Variants in EFCAB8 observed in about 807,000 individuals in gnomAD.
EFCAB8 encodes EF-hand calcium binding domain 8.
Under a neutral mutation model 116.3 loss-of-function variants are expected in EFCAB8, and 100 were observed. The ratio of observed to expected loss-of-function variants is 0.86; its 90% CI spans 0.73 to 1.02. The LOEUF (loss-of-function observed/expected upper bound fraction) is 1.02, where lower values mean the gene tolerates loss of function less well. EFCAB8 is among the 50% of genes least tolerant of loss of function. The pLI, the probability that EFCAB8 is intolerant of heterozygous loss-of-function variation, is 0.00. For synonymous variants in EFCAB8, 558 were observed against 567.9 expected, an observed-to-expected ratio of 0.98 and a Z score of 0.25; for missense variants, 1,320 against 1,416.9, an observed-to-expected ratio of 0.93 and a Z score of 1.10.
In EFCAB8 at chr20:32,876,067, C is replaced by T. The variant is rs747576170; in HGVS notation, c.327+23C>T. ...TGGGTGAGGAGGGTGCCCCTGCTTC[C>T]TCAGGTGCTGGAGGGAGGCTGGAGG... On this transcript the variant is annotated intron_variant, in intron 4 of 26. Coordinates refer to ENST00000400522, the MANE Select transcript of EFCAB8 (RefSeq NM_001143967.2). The T allele has an allele frequency of 5.8e-6, 9 of 1,544,672 alleles. No homozygotes were observed. The African/African-American group carries it at 9.6e-5, about 16-fold the overall frequency.
intron 22 of EFCAB8, among the ~76,000 whole-genome samples, chr20:32,939,697 T>G (rs1488365520): frequency 7.2e-6 from 1 of 138,598 alleles, no homozygotes; most frequent in African/African-American, 2.7e-5. Context: ...CTCTCTCTCT[T>G]TTTTTTTTCT....
rs181545096 is a variant in EFCAB8, at chr20:32,890,801, G to A, written c.673+1395G>A. Among the ~76,000 whole-genome samples, 14 of 152,372 alleles carry A rather than the reference G, an allele frequency of 9.2e-5. No individual in the cohort carries two copies. The East Asian group carries it at 2.3e-3, about 25-fold the overall frequency. On this transcript the variant is annotated intron_variant, in intron 7 of 26. Coordinates refer to ENST00000400522, the MANE Select transcript of EFCAB8 (RefSeq NM_001143967.2). ...CAATTGCTTTACCTCCCAGTGCCTCGCTTTACCCAGAGGTAAAATGGGGCC... is the reference window on the plus strand; with the variant it reads ...CAATTGCTTTACCTCCCAGTGCCTCACTTTACCCAGAGGTAAAATGGGGCC...
At chr20:32,945,825 A>G (rs1045871552) in intron 23 of EFCAB8, among the ~76,000 whole-genome samples, 2 of 152,186 alleles carry the variant, frequency 1.3e-5, no homozygotes, top group Non-Finnish European at 2.9e-5. Context: ...AGACTTACGC[A>G]TGTAAATTCG....
At chr20:32,873,267 C>T (rs1984777870) in intron 3 of EFCAB8, among the ~76,000 whole-genome samples, 1 of 151,954 alleles carries the variant, frequency 6.6e-6, no homozygotes, top group African/African-American at 2.4e-5. Context: ...GAAGGAGCCC[C>T]CTGAACTCTG....
intron 20 of EFCAB8, among the ~76,000 whole-genome samples, chr20:32,924,776 T>C (rs544231856): frequency 2.8e-4 from 42 of 152,300 alleles, no homozygotes; most frequent in African/African-American, 8.9e-4. Flanking sequence ...TGCAAAAGAT[T>C]GAATGTCTAT....
Position 32,908,397 on chromosome 20 carries a change from C to G in EFCAB8, c.1431C>G (p.Ile477Met). 1.6e-6 allele frequency: 2 copies of G among 1,249,990 alleles called. No individual in the cohort carries two copies. Among genetic ancestry groups the G allele is most frequent in the Non-Finnish European group, 2.0e-6 (2 of 988,262 alleles). 77.4% of individuals were successfully genotyped at this position (1,249,990 alleles called of 1,614,324 possible). ...AYFFEKDNTLICSTYSIGILK... is the reference protein window; with the variant it reads ...AYFFEKDNTLMCSTYSIGILK... ...TCTTCGAGAAGGACAATACCCTCATCTGCAGCACCTACTCAGTGAGTGCTG... is the reference window on the plus strand; with the variant it reads ...TCTTCGAGAAGGACAATACCCTCATGTGCAGCACCTACTCAGTGAGTGCTG... Residue 477 changes from isoleucine (I) to methionine (M), a missense_variant, in exon 14 of 27, where the codon ATC becomes ATG. Physicochemically the swap from Ile to Met is conservative, Grantham distance 10. Coordinates refer to ENST00000400522, the MANE Select transcript of EFCAB8 (RefSeq NM_001143967.2).
intron 9 of EFCAB8, among the ~76,000 whole-genome samples, chr20:32,895,709 T>C (rs192904428): frequency 8.3e-4 from 126 of 152,076 alleles, no homozygotes; most frequent in African/African-American, 3.0e-3. Flanking sequence ...GTAGCTGTGA[T>C]TACAGGCACA....
At chr20:32,862,222 C>T in intron 1 of EFCAB8, among the ~76,000 whole-genome samples, 1 of 151,842 alleles carries the variant, frequency 6.6e-6, no homozygotes, top group East Asian at 1.9e-4. Flanking sequence ...CCTCAACCTC[C>T]TGGGCTCAAG....
intron 5 of EFCAB8, 86 bp downstream of exon 5, chr20:32,878,893 G>A (rs893461388): frequency 4.7e-5 from 56 of 1,201,008 alleles, no homozygotes; most frequent in Admixed American, 1.0e-4. Context: ...CCCTCAATCC[G>A]TGACCTTGCT....
chr20:32,907,252 C>A, intron 13 of EFCAB8: 1 of 379,276 alleles, frequency 2.6e-6, no homozygotes, highest in Non-Finnish European at 3.6e-6. Flanking sequence ...TCCTCAGTCT[C>A]CCTATCCATA....
chr20:32,906,463 G>A, intron 11 of EFCAB8, 99 bp from the exon 12 acceptor site: 1 of 697,940 alleles, frequency 1.4e-6, no homozygotes, highest in East Asian at 2.7e-5. Flanking sequence ...CCTCCTGGGA[G>A]GCTCTGCCTC....
intron 23 of EFCAB8, among the ~76,000 whole-genome samples, chr20:32,951,474 A>G (rs780751782): frequency 6.6e-5 from 10 of 152,190 alleles, no homozygotes; most frequent in Non-Finnish European, 1.5e-4. Flanking sequence ...TTACACCTGC[A>G]TCTATTTATA....
chr20:32,888,883 C>G (rs982851154), intron 6 of EFCAB8, among the ~76,000 whole-genome samples: 1 of 151,704 alleles, frequency 6.6e-6, no homozygotes, highest in African/African-American at 2.4e-5. Flanking sequence ...GGTGCAAACA[C>G]ACCCATAGAA....
chr20:32,889,281 T>C lies in EFCAB8; in HGVS notation c.568-20T>C. ...TGAGTATGCGTCCCAGCCCATCTCC[T>C]CTGCTCTTCCTCTGGCCAGCTTAAC... On this transcript the variant is annotated intron_variant, in intron 6 of 26. Transcript: ENST00000400522. 1 of 1,550,848 alleles carries C rather than the reference T, an allele frequency of 6.4e-7. No homozygotes were observed. Among genetic ancestry groups the C allele is most frequent in the Non-Finnish European group, 8.7e-7 (1 of 1,146,446 alleles).
intron 11 of EFCAB8, among the ~76,000 whole-genome samples, chr20:32,902,340 A>G: frequency 6.6e-6 from 1 of 151,992 alleles, no homozygotes. Context: ...GGGACTGGAG[A>G]TGTATTTTTG....
At chr20:32,882,188 A>G (rs1264263413) in intron 5 of EFCAB8, among the ~76,000 whole-genome samples, 1 of 152,090 alleles carries the variant, frequency 6.6e-6, no homozygotes, top group African/African-American at 2.4e-5. Flanking sequence ...ACAAGAATGA[A>G]AACTCCGTCT....
At chr20:32,875,894 A>G (rs1177952116) in intron 3 of EFCAB8, 32 bp from the exon 4 acceptor site, 2 of 1,538,880 alleles carry the variant, frequency 1.3e-6, no homozygotes, top group Non-Finnish European at 1.8e-6. Context: ...CTTGTGAGGA[A>G]GGGGATGATG....
intron 11 of EFCAB8, among the ~76,000 whole-genome samples, chr20:32,901,790 C>T (rs1986441147): frequency 6.6e-6 from 1 of 152,214 alleles, no homozygotes; most frequent in South Asian, 2.1e-4. Flanking sequence ...CGGGTTCAAG[C>T]GATTCTCCTG....
At chr20:32,960,668 G>C (rs558591886) in intron 26 of EFCAB8, among the ~76,000 whole-genome samples, 1 of 152,294 alleles carries the variant, frequency 6.6e-6, no homozygotes, top group East Asian at 1.9e-4. Context: ...CAGCCTCCCC[G>C]TCCTTGTCTG....
Sources: gnomAD v4.1 joint callset for allele counts (sites outside exome capture counted in the v4.1 genomes callset) on GRCh38, gnomAD v4.1.1 for gene constraint, MANE v1.5 for transcripts, NCBI Gene and HGNC (gene_info 2026-07-23, HGNC 2026-07-21) for gene names.